The following CLN6 variants were observed in gnomAD, a reference collection of about 807,000 sequenced individuals.
The protein encoded by CLN6 is CLN6 transmembrane ER protein, also known as ceroid-lipofuscinosis neuronal protein 6.
Under a neutral mutation model 33.3 loss-of-function variants are expected in CLN6, and 22 were observed. The ratio of observed to expected loss-of-function variants is 0.66; its 90% CI spans 0.47 to 0.94. The LOEUF is 0.94. Ranked by LOEUF, CLN6 falls within the 40% of genes least tolerant of loss-of-function variation. CLN6 has a pLI of 0.00. For synonymous variants in CLN6, 201 were observed against 174.6 expected (o/e 1.15, Z -1.19); for missense variants, 387 against 417.1 (o/e 0.93, Z 0.63).
Position 68,208,094 on chromosome 15 carries a change from G to GCCCCCCCCCCC in CLN6, c.*45_*46insGGGGGGGGGGG. ...CTCCTGTATTCAGATGCCCTCCATGGCCCACCCTCCCACCCAGCAGAGCGC... is the reference window on the plus strand; with the variant it reads ...CTCCTGTATTCAGATGCCCTCCATGGCCCCCCCCCCCCCCACCCTCCCACCCAGCAGAGCGC... On this transcript the variant is annotated 3_prime_UTR_variant, in exon 7 of 7. Coordinates refer to ENST00000249806, the MANE Select transcript of CLN6 (RefSeq NM_017882.3). This position sits in a 1 kb window ranked among gnomAD's most constrained non-coding sequence, Gnocchi z 5.8. The GCCCCCCCCCCC allele has an allele frequency of 1.5e-6, 2 of 1,375,274 alleles. No homozygotes were observed. 85.2% of individuals were successfully genotyped at this position (1,375,274 alleles called of 1,614,324 possible).
At chr15:68,225,699 G>A (rs765435925) in intron 1 of CLN6, among the ~76,000 whole-genome samples, 2 of 152,226 alleles carry the variant, frequency 1.3e-5, no homozygotes, top group African/African-American at 2.4e-5. Context: ...AAGGCTGGGC[G>A]CAGTGGCTCA....
At chr15:68,243,748 C>CT (rs1300455242) in intron 1 of CLN6, among the ~76,000 whole-genome samples, 2 of 135,160 alleles carry the variant, frequency 1.5e-5, no homozygotes, top group African/African-American at 5.9e-5. Context: ...GAGCAAGACT[C>CT]TATCTCAAAA....
intron 1 of CLN6, among the ~76,000 whole-genome samples, chr15:68,243,937 C>T (rs192231693): frequency 4.6e-5 from 7 of 151,620 alleles, no homozygotes; most frequent in Admixed American, 1.3e-4. Context: ...TGGTGGCGGG[C>T]GCCTATAGTC....
upstream of CLN6, chr15:68,257,136 G>T (rs1385348618): frequency 2.9e-6 from 1 of 342,990 alleles, no homozygotes. Flanking sequence ...CGAGCGCACG[G>T]CAGCGGTGCC....
At chr15:68,229,412 G>T in intron 1 of CLN6, 90 bp downstream of exon 1, 3 of 1,066,734 alleles carry the variant, frequency 2.8e-6, no homozygotes, top group Non-Finnish European at 3.8e-6. Flanking sequence ...CGAGGTTCCC[G>T]CCCGGCAGCC....
Position 68,229,479 on chromosome 15 carries a change from C to G in CLN6, c.83+23G>C, listed in dbSNP as rs567850238. The G allele has an allele frequency of 2.5e-4, 363 of 1,456,388 alleles. No homozygotes were observed. The African/African-American group carries it at 4.9e-3, about 20-fold the overall frequency. 90.2% of individuals were successfully genotyped at this position (1,456,388 alleles called of 1,614,324 possible). On this transcript the variant is annotated intron_variant, in intron 1 of 6. Coordinates refer to ENST00000249806, the MANE Select transcript of CLN6 (RefSeq NM_017882.3). The stretch of plus-strand genomic sequence containing the variant: ...CCAGCGCACAGGCGCCTAGCCCGCC[C>G]TCTCACCCCGGCGCGCGCCCACCTG...
chr15:68,227,530 T>G lies in CLN6; in HGVS notation c.83+1972A>C, dbSNP rs1487095068. 6.6e-6 allele frequency among the ~76,000 whole-genome samples: 1 copy of G among 152,108 alleles called. No individual in the cohort carries two copies. Among genetic ancestry groups the G allele is most frequent in the Admixed American group, 6.5e-5 (1 of 15,274 alleles). On this transcript the variant is annotated intron_variant, in intron 1 of 6. Transcript: ENST00000249806. This position sits in a 1 kb window ranked among gnomAD's most constrained non-coding sequence, Gnocchi z 4.1. ...TACTGGGAATGGGCTGAAGCCACAT[T>G]GTGGGGGGCAGAGACACCCTGGGAG...
chr15:68,254,842 G>A, intron 1 of CLN6: 1 of 1,135,086 alleles, frequency 8.8e-7, no homozygotes. Context: ...TAACCCTGCA[G>A]AAAATGGAGA....
Position 68,208,170 on chromosome 15 carries a change from G to C in CLN6, c.906C>G (p.Phe302Leu), listed in dbSNP as rs2093193360. The C allele has an allele frequency of 6.4e-7, 1 of 1,557,018 alleles. No homozygotes were observed. The highest frequency in any genetic ancestry group is 1.4e-5 in the African/African-American group (1 of 72,492). Residue 302 changes from phenylalanine (F) to leucine (L), a missense_variant, in exon 7 of 7, where the codon TTC becomes TTG. By Grantham distance (22) the Phe-to-Leu change is conservative. Coordinates refer to ENST00000249806, the MANE Select transcript of CLN6 (RefSeq NM_017882.3). The surrounding 1 kb of genome is among the most constrained non-coding windows in gnomAD (Gnocchi z 5.8). ...GVIYVPEPWA[F>L]YTLHVSSRH ...GCCGACTGCTGACGTGAAGGGTGTA[G>C]AAAGCCCAGGGCTCAGGGACGTAGA...
chr15:68,252,189 G>C (rs1053213018), intron 1 of CLN6, among the ~76,000 whole-genome samples: 3 of 152,002 alleles, frequency 2.0e-5, no homozygotes, highest in African/African-American at 7.2e-5. Context: ...GGTCTGGCTC[G>C]TTTTGAACTC....
chr15:68,218,206 CCTTTGTCTGT>C (rs2093225864), intron 2 of CLN6: 1 of 325,682 alleles, frequency 3.1e-6, no homozygotes, highest in Non-Finnish European at 6.1e-6. Context: ...TTCCTATACC[CCTTTGTCTGT>C]CTTGGTGATT....
At chr15:68,251,688 A>AAACT (rs1892380656) in intron 1 of CLN6, among the ~76,000 whole-genome samples, 1 of 151,846 alleles carries the variant, frequency 6.6e-6, no homozygotes, top group Non-Finnish European at 1.5e-5. Flanking sequence ...ACAAACAAAC[A>AAACT]AACAAACAGA....
At chr15:68,245,382 T>G (rs112743381) in intron 1 of CLN6, among the ~76,000 whole-genome samples, 1 of 152,088 alleles carries the variant, frequency 6.6e-6, no homozygotes, top group African/African-American at 2.4e-5. Flanking sequence ...GGGCAACATG[T>G]TGAAACCTCA....
chr15:68,241,071 G>A lies in CLN6; in HGVS notation c.179+15619C>T, dbSNP rs941445330. On this transcript the variant is annotated intron_variant, in intron 1 of 6. Transcript: ENST00000538696. This position sits in a 1 kb window ranked among gnomAD's most constrained non-coding sequence, Gnocchi z 4.2. ...AAGAACAGAAGAAAGCTGCAAATATGGAAGAGATGAAAAAGATAAACATGC... is the reference window on the plus strand; with the variant it reads ...AAGAACAGAAGAAAGCTGCAAATATAGAAGAGATGAAAAAGATAAACATGC... 2.6e-5 allele frequency among the ~76,000 whole-genome samples: 4 copies of A among 151,214 alleles called. No homozygotes were observed. The highest frequency in any genetic ancestry group is 9.7e-5 in the African/African-American group (4 of 41,196).
Position 68,228,199 on chromosome 15 carries a change from G to T in CLN6, c.83+1303C>A, listed in dbSNP as rs1190808605. Among the ~76,000 whole-genome samples the T allele has an allele frequency of 6.6e-6, 1 of 152,160 alleles. No individual in the cohort carries two copies. The highest frequency in any genetic ancestry group is 1.9e-4 in the East Asian group (1 of 5,186). Reference sequence around the variant, plus strand: ...AACGGACACAGTCCGCAGCTGCTCAGCCCGCATGTCCGCAGCAGCAGAAAC... The same window carrying T: ...AACGGACACAGTCCGCAGCTGCTCATCCCGCATGTCCGCAGCAGCAGAAAC... On this transcript the variant is annotated intron_variant, in intron 1 of 6. Coordinates refer to ENST00000249806, the MANE Select transcript of CLN6 (RefSeq NM_017882.3). This position sits in a 1 kb window ranked among gnomAD's most constrained non-coding sequence, Gnocchi z 4.4.
At chr15:68,251,451 G>A (rs1447232586) in intron 1 of CLN6, among the ~76,000 whole-genome samples, 2 of 152,076 alleles carry the variant, frequency 1.3e-5, no homozygotes, top group East Asian at 1.9e-4. Flanking sequence ...GAGGCGGGTG[G>A]ATGGATTGAG....
intron 1 of CLN6, among the ~76,000 whole-genome samples, chr15:68,237,205 G>A (rs954171229): frequency 6.7e-6 from 1 of 149,000 alleles, no homozygotes; most frequent in Non-Finnish European, 1.5e-5. Context: ...TGGAGGCCAG[G>A]CACAATGGCT....
chr15:68,254,884 G>C (rs1892418350), intron 1 of CLN6: 1 of 1,157,114 alleles, frequency 8.6e-7, no homozygotes, highest in South Asian at 1.2e-5. Context: ...GAAAGCTGAA[G>C]GTGCTGCAGA....
chr15:68,245,134 T>G (rs1892318140), intron 1 of CLN6, among the ~76,000 whole-genome samples: 1 of 149,442 alleles, frequency 6.7e-6, no homozygotes, highest in African/African-American at 2.4e-5. Flanking sequence ...GTGCAGAGGT[T>G]TTTTTTTTTG....
Sources: allele counts gnomAD v4.1 joint callset (sites outside exome capture counted in the v4.1 genomes callset), GRCh38; gene constraint gnomAD v4.1.1; non-coding constraint Gnocchi (gnomAD v3.1); transcripts MANE v1.5; gene names NCBI Gene and HGNC (gene_info 2026-07-23, HGNC 2026-07-21).